TSPAN19: variants seen among roughly 807,000 people sequenced by gnomAD.
TSPAN19 encodes tetraspanin 19.
A neutral mutation model predicts 35.1 loss-of-function variants in TSPAN19; 44 were observed. The ratio of observed to expected loss-of-function variants is 1.25; its 90% CI spans 0.98 to 1.61. TSPAN19 has a LOEUF of 1.61. Among genes scored for constraint, TSPAN19 ranks in the 40% most tolerant of loss-of-function variants. TSPAN19 has a pLI of 0.00. For missense variants in TSPAN19, 290 were observed against 280.0 expected (o/e 1.04, Z -0.26); for synonymous variants, 79 against 92.0 (o/e 0.86, Z 0.81).
chr12:85,017,702 AT>A lies in TSPAN19; in HGVS notation c.451-104del, dbSNP rs1202539866. On this transcript the variant is annotated intron_variant, in intron 6 of 8. Transcript: ENST00000532498. The stretch of plus-strand genomic sequence containing the variant: ...TTTTTGTGATGAAGATAACTCATTA[AT>A]TTTTCCCCATGAACATGTAATGAAT... 2.9e-5 allele frequency: 23 copies of A among 799,974 alleles called. No homozygotes were observed. In the African/African-American group the frequency reaches 3.8e-4, roughly 13 times the overall value. The allele number at this position is 799,974 out of a possible 1,614,324, so 49.6% of individuals were successfully genotyped here. A position where few individuals can be genotyped will look rare whatever the true frequency, so the allele number is the denominator to read the frequency against.
chr12:85,034,103 C>T (rs558765686), intron 1 of TSPAN19, among the ~76,000 whole-genome samples: 17 of 152,086 alleles, frequency 1.1e-4, no homozygotes, highest in African/African-American at 3.9e-4. Flanking sequence ...AATCTGAAGG[C>T]TTGAGACACA....
At chr12:85,017,743 T>C (rs982096149) in intron 6 of TSPAN19, 144 bp from the exon 7 acceptor site, 1 of 609,514 alleles carries the variant, frequency 1.6e-6, no homozygotes, top group African/African-American at 1.9e-5. Flanking sequence ...TAAGTATATC[T>C]GTGCTTGTTT....
At chr12:85,018,099 C>A (rs1008930906) in intron 6 of TSPAN19, among the ~76,000 whole-genome samples, 2 of 151,426 alleles carry the variant, frequency 1.3e-5, no homozygotes, top group African/African-American at 4.8e-5. Flanking sequence ...CCACAAAGAA[C>A]CAAAATAAGA....
At chr12:85,023,429 A>G in intron 4 of TSPAN19, 29 bp from the exon 5 acceptor site, 1 of 1,488,826 alleles carries the variant, frequency 6.7e-7, no homozygotes, top group Non-Finnish European at 9.2e-7. Flanking sequence ...AGAGATGATG[A>G]CTATGCTACT....
rs570751462 is a variant in TSPAN19 at position 85,026,451 on chromosome 12, C to T, written c.264+1448G>A. ...AGATTTTGAGGTGGAATCTGGAAGT[C>T]TGTGGGTTTCCAGAGCAACAGAGCA... On this transcript the variant is annotated intron_variant, in intron 4 of 8. Coordinates refer to ENST00000532498, the MANE Select transcript of TSPAN19 (RefSeq NM_001100917.2). Among the ~76,000 whole-genome samples the T allele has an allele frequency of 1.8e-4, 27 of 152,216 alleles. No homozygotes were observed. In the East Asian group the frequency reaches 4.3e-3, roughly 24 times the overall value.
intron 4 of TSPAN19, among the ~76,000 whole-genome samples, chr12:85,023,609 A>G (rs1449125609): frequency 1.3e-5 from 2 of 152,180 alleles, no homozygotes; most frequent in Non-Finnish European, 2.9e-5. Flanking sequence ...TAAGAGCAAG[A>G]GAGAAAGAAG....
chr12:85,017,352 C>G, intron 7 of TSPAN19, 104 bp downstream of exon 7: 1 of 1,066,664 alleles, frequency 9.4e-7, no homozygotes, highest in Admixed American at 2.7e-5. Flanking sequence ...CCACCGTCAA[C>G]AACATTATTT....
At position 85,024,605 on chromosome 12, in the gene TSPAN19, CCTCTCTA is replaced by C. The variant is rs1222151694; in HGVS notation, c.265-1212_265-1206del. 4 of 152,116 alleles carry C rather than the reference CCTCTCTA, an allele frequency of 2.6e-5. No individual in the cohort carries two copies. In the East Asian group the frequency reaches 7.7e-4, roughly 29 times the overall value. The allele number at this position is 152,116 out of a possible 1,614,324, so 9.4% of individuals were successfully genotyped here. On this transcript the variant is annotated intron_variant, in intron 4 of 8. Coordinates refer to ENST00000532498, the MANE Select transcript of TSPAN19 (RefSeq NM_001100917.2). ...CCAGCCTGGCCCACATGGTGAAATC[CCTCTCTA>C]CTAAAAATACAAAAATTAGCCAGGC... is the stretch of plus-strand genomic sequence containing the variant.
chr12:85,034,084 GAGTT>G (rs961742569), intron 1 of TSPAN19, among the ~76,000 whole-genome samples: 1 of 152,082 alleles, frequency 6.6e-6, no homozygotes, highest in Admixed American at 6.6e-5. Context: ...AGCACAAAGA[GAGTT>G]AGAGAATCTG....
At chr12:85,032,921 C>T (rs986334570) in intron 1 of TSPAN19, among the ~76,000 whole-genome samples, 54 of 152,114 alleles carry the variant, frequency 3.5e-4, no homozygotes, top group African/African-American at 1.3e-3. Context: ...GAATGGACAA[C>T]TTACAATAAT....
rs116233484 is a variant in TSPAN19, at chr12:85,022,111, T to C, written c.339+1215A>G. On this transcript the variant is annotated intron_variant, in intron 5 of 8. Transcript: ENST00000532498. ...TCATATTTATGTTCTATAATGAGGT[T>C]GAAAAGTTTGAGGATGATAGATTGG... is the stretch of plus-strand genomic sequence containing the variant. Among the ~76,000 whole-genome samples, 148 of 152,210 alleles carry C rather than the reference T, an allele frequency of 9.7e-4. 1 individual carries two copies. Among genetic ancestry groups the C allele is most frequent in the African/African-American group, 3.5e-3 (145 of 41,554 alleles).
chr12:85,018,997 C>A (rs1876971453), intron 6 of TSPAN19, among the ~76,000 whole-genome samples: 1 of 151,814 alleles, frequency 6.6e-6, no homozygotes, highest in African/African-American at 2.4e-5. Flanking sequence ...CGACAATACC[C>A]TTCTCTTACC....
chr12:85,017,657 T>C (rs1452391110), intron 6 of TSPAN19, 58 bp from the exon 7 acceptor site: 13 of 1,343,824 alleles, frequency 9.7e-6, no homozygotes, highest in Middle Eastern at 2.3e-4. Context: ...GTTAATTATA[T>C]GAGATTAATA....
Position 85,019,724 on chromosome 12 carries a change from A to G in TSPAN19, c.352T>C (p.Trp118Arg), listed in dbSNP as rs1209653368. ...ATGACAAAATCAATTTTGTCATGCC[A>G]TAGTTGCTGAACCTGTAGAAAATTG... ...ITKKEEVQQL[W>R]HDKIDFVISE... The change falls in exon 6 of 9, where the codon TGG becomes CGG. Residue 118 changes from tryptophan (W) to arginine (R), a missense_variant. Coordinates refer to ENST00000532498, the MANE Select transcript of TSPAN19 (RefSeq NM_001100917.2). 6.3e-7 allele frequency: 1 copy of G among 1,599,276 alleles called. No individual in the cohort carries two copies. The highest frequency in any genetic ancestry group is 1.1e-5 in the South Asian group (1 of 89,416).
At chr12:85,025,059 T>A (rs1877329547) in intron 4 of TSPAN19, among the ~76,000 whole-genome samples, 1 of 152,078 alleles carries the variant, frequency 6.6e-6, no homozygotes, top group African/African-American at 2.4e-5. Flanking sequence ...GATGTTTAGA[T>A]TTTTAACTTC....
In TSPAN19 at chr12:85,024,284, C is replaced by T. The variant is rs532533756; in HGVS notation, c.265-884G>A. Among the ~76,000 whole-genome samples the T allele has an allele frequency of 1.1e-4, 16 of 152,228 alleles. No homozygotes were observed. The South Asian group carries it at 3.3e-3, about 32-fold the overall frequency. On this transcript the variant is annotated intron_variant, in intron 4 of 8. Coordinates refer to ENST00000532498, the MANE Select transcript of TSPAN19 (RefSeq NM_001100917.2). ...GTCCTAAGGAATATCTAGCCATAAA[C>T]CTTATAAAAGCAGGAGATGACTGAA...
chr12:85,034,629 A>G (rs915931060), intron 1 of TSPAN19, among the ~76,000 whole-genome samples: 7 of 152,204 alleles, frequency 4.6e-5, no homozygotes, highest in Non-Finnish European at 8.8e-5. Flanking sequence ...TCTAGGAATA[A>G]TGCAATTAAA....
chr12:85,035,661 G>A (rs1273689019), intron 1 of TSPAN19, among the ~76,000 whole-genome samples: 1 of 141,864 alleles, frequency 7.0e-6, no homozygotes, highest in Non-Finnish European at 1.6e-5. Flanking sequence ...AACTTTAAAA[G>A]AAAATTAAAG....
At chr12:85,019,347 AG>A (rs1876990160) in intron 6 of TSPAN19, among the ~76,000 whole-genome samples, 1 of 151,994 alleles carries the variant, frequency 6.6e-6, no homozygotes, top group Non-Finnish European at 1.5e-5. Flanking sequence ...CAGGTGCAGC[AG>A]GATAGACTAT....
Sources: gnomAD v4.1 joint callset for allele counts (sites outside exome capture counted in the v4.1 genomes callset) on GRCh38, gnomAD v4.1.1 for gene constraint, MANE v1.5 for transcripts, NCBI Gene and HGNC (gene_info 2026-07-23, HGNC 2026-07-21) for gene names.